The following PPP2CA variants were observed in gnomAD, a reference collection of about 807,000 sequenced individuals.
PPP2CA encodes protein phosphatase 2 catalytic subunit alpha.
A neutral mutation model predicts 38.8 loss-of-function variants in PPP2CA; 5 were observed. The observed-to-expected ratio is 0.13, with a 90% CI of 0.07 to 0.27. The LOEUF (loss-of-function observed/expected upper bound fraction) is 0.27, where lower values mean the gene tolerates loss of function less well. PPP2CA is among the 10% of genes least tolerant of loss of function. The probability of loss-of-function intolerance (pLI) is 1.00; values close to 1 mark genes in which losing one functional copy is unlikely to be tolerated. For synonymous variants in PPP2CA, 152 were observed against 134.0 expected, an observed-to-expected ratio of 1.13 and a Z score of -0.93; for missense variants, 88 against 389.7, an observed-to-expected ratio of 0.23 and a Z score of 6.52.
At chr5:134,206,757 G>C (rs1762092793) in intron 1 of PPP2CA, among the ~76,000 whole-genome samples, 1 of 152,186 alleles carries the variant, frequency 6.6e-6, no homozygotes, top group African/African-American at 2.4e-5. Context: ...CCTCAGCCCT[G>C]TTTGACTTTT....
At chr5:134,198,962 T>C (rs766911768) in intron 6 of PPP2CA, 124 bp downstream of exon 6, 2 of 716,632 alleles carry the variant, frequency 2.8e-6, no homozygotes, top group South Asian at 3.5e-5. Context: ...GGTGAAAGGA[T>C]CACTTCAGCC....
intron 1 of PPP2CA, among the ~76,000 whole-genome samples, chr5:134,217,157 G>A (rs1054658138): frequency 1.3e-5 from 2 of 152,246 alleles, no homozygotes; most frequent in East Asian, 3.9e-4. Flanking sequence ...GCGCATGCCT[G>A]TAATCCCAGC....
Position 134,196,200 on chromosome 5 carries a change from C to T in PPP2CA, c.*1572G>A, listed in dbSNP as rs1173297525. 1 of 152,190 alleles carries T rather than the reference C, an allele frequency of 6.6e-6. No homozygotes were observed. Among genetic ancestry groups the T allele is most frequent in the Admixed American group, 6.5e-5 (1 of 15,280 alleles). 9.4% of individuals were successfully genotyped at this position (152,190 alleles called of 1,614,324 possible). On this transcript the variant is annotated 3_prime_UTR_variant, in exon 7 of 7. Coordinates refer to ENST00000481195, the MANE Select transcript of PPP2CA (RefSeq NM_002715.4). ...AAAAGACATTCGGTATGTATGTGTT[C>T]CTCAAGCATTTTAGAAAGGGGATAT...
intron 2 of PPP2CA, among the ~76,000 whole-genome samples, chr5:134,202,733 T>C (rs1761994649): frequency 6.6e-6 from 1 of 152,266 alleles, no homozygotes; most frequent in Non-Finnish European, 1.5e-5. Flanking sequence ...TTCATTTCTT[T>C]TAGGAAGATT....
At chr5:134,212,061 G>C (rs190813551) in intron 1 of PPP2CA, among the ~76,000 whole-genome samples, 28 of 152,302 alleles carry the variant, frequency 1.8e-4, no homozygotes, top group Admixed American at 6.5e-4. Context: ...CGAGGTTGCA[G>C]TGAGCGGAGA....
intron 1 of PPP2CA, among the ~76,000 whole-genome samples, chr5:134,217,909 T>A (rs990535153): frequency 2.0e-5 from 3 of 152,228 alleles, no homozygotes; most frequent in African/African-American, 4.8e-5. Context: ...TACAAACTTG[T>A]ACAGCATTTA....
At chr5:134,198,715 G>A (rs559446552) in intron 6 of PPP2CA, among the ~76,000 whole-genome samples, 10 of 152,126 alleles carry the variant, frequency 6.6e-5, no homozygotes, top group African/African-American at 9.6e-5. Context: ...ACAGGCAGGC[G>A]CCACCATGCT....
Position 134,200,380 on chromosome 5 carries a change from G to A in PPP2CA, c.693C>T (p.Ala231=). The part of the protein sequence containing the change: ...GQDISETFNH[A]NGLTLVSRAH... ...CTCTAGACACCAACGTGAGGCCATT[G>A]GCATGATTAAATGTCTCAGAAATAT... The change falls in exon 5 of 7, where the codon GCC becomes GCT. Residue 231 remains alanine (A), a synonymous_variant. Coordinates refer to ENST00000481195, the MANE Select transcript of PPP2CA (RefSeq NM_002715.4). 1.2e-6 allele frequency: 2 copies of A among 1,614,074 alleles called. No individual in the cohort carries two copies. Among genetic ancestry groups the A allele is most frequent in the African/African-American group, 2.7e-5 (2 of 74,994 alleles).
intron 2 of PPP2CA, 60 bp downstream of exon 2, chr5:134,205,862 A>C: frequency 6.9e-7 from 1 of 1,448,900 alleles, no homozygotes; most frequent in Non-Finnish European, 9.6e-7. Context: ...GGGGGAAAAA[A>C]AACTTTCAAG....
In PPP2CA at chr5:134,197,039, T is replaced by G. The variant is rs1355311108; in HGVS notation, c.*733A>C. 6.5e-6 allele frequency: 1 copy of G among 152,676 alleles called. No individual in the cohort carries two copies. The highest frequency in any genetic ancestry group is 6.5e-5 in the Admixed American group (1 of 15,282). 9.5% of individuals were successfully genotyped at this position (152,676 alleles called of 1,614,324 possible). A position where few individuals can be genotyped will look rare whatever the true frequency, so the allele number is the denominator to read the frequency against. Reference sequence around the variant, plus strand: ...AATTTACTCAATTGATTTAACTTTTTTAATAAACAGCACCAGTCTTGCCCA... The same window carrying G: ...AATTTACTCAATTGATTTAACTTTTGTAATAAACAGCACCAGTCTTGCCCA... On this transcript the variant is annotated 3_prime_UTR_variant, in exon 7 of 7. Coordinates refer to ENST00000481195, the MANE Select transcript of PPP2CA (RefSeq NM_002715.4).
intron 4 of PPP2CA, 25 bp downstream of exon 4, chr5:134,200,960 G>A: frequency 1.3e-6 from 2 of 1,551,354 alleles, no homozygotes; most frequent in Non-Finnish European, 1.8e-6. Flanking sequence ...TTTTCTGAAA[G>A]AATTTTATCA....
In PPP2CA at chr5:134,199,348, C is replaced by T. The variant is rs868078063; in HGVS notation, c.739-144G>A. 10 of 607,178 alleles carry T rather than the reference C, an allele frequency of 1.6e-5. 1 individual carries two copies. The Middle Eastern group carries it at 2.6e-3, about 156-fold the overall frequency. 37.6% of individuals were successfully genotyped at this position (607,178 alleles called of 1,614,324 possible). On this transcript the variant is annotated intron_variant, in intron 5 of 6. Transcript: ENST00000481195. The stretch of plus-strand genomic sequence containing the variant: ...ATGTTAATGCTTTTTTTCTGGATGA[C>T]TTAATAATCTCCTGTACTTTATACA...
chr5:134,202,093 A>T, intron 2 of PPP2CA, 72 bp from the exon 3 acceptor site: 1 of 1,434,646 alleles, frequency 7.0e-7, no homozygotes, highest in Non-Finnish European at 9.3e-7. Flanking sequence ...GAAACTTTCT[A>T]TAGAAAAAAA....
chr5:134,204,994 G>C (rs1762048687), intron 2 of PPP2CA, among the ~76,000 whole-genome samples: 1 of 149,280 alleles, frequency 6.7e-6, no homozygotes, highest in South Asian at 2.1e-4. Flanking sequence ...GTGTAGGGTG[G>C]CAAGATCAAG....
intron 1 of PPP2CA, among the ~76,000 whole-genome samples, chr5:134,213,051 A>G (rs1451672297): frequency 1.3e-5 from 2 of 152,216 alleles, no homozygotes; most frequent in Non-Finnish European, 2.9e-5. Context: ...CAGACGATCT[A>G]CCTAAGATAA....
At chr5:134,223,708 AAC>A (rs1269974573) in intron 1 of PPP2CA, among the ~76,000 whole-genome samples, 2 of 152,170 alleles carry the variant, frequency 1.3e-5, no homozygotes, top group Non-Finnish European at 2.9e-5. Context: ...TATCTTCTAC[AAC>A]AGTTTCCAAC....
intron 1 of PPP2CA, among the ~76,000 whole-genome samples, chr5:134,217,861 A>G (rs1762354556): frequency 6.6e-6 from 1 of 152,260 alleles, no homozygotes. Context: ...ATAGACTACT[A>G]CAAACCTAAG....
At chr5:134,207,063 G>A (rs1006719485) in intron 1 of PPP2CA, among the ~76,000 whole-genome samples, 3 of 152,230 alleles carry the variant, frequency 2.0e-5, no homozygotes, top group Non-Finnish European at 4.4e-5. Flanking sequence ...CAGATGACAA[G>A]GACTGGGTTC....
At chr5:134,221,113 C>T (rs1561744074) in intron 1 of PPP2CA, among the ~76,000 whole-genome samples, 1 of 151,870 alleles carries the variant, frequency 6.6e-6, no homozygotes, top group East Asian at 1.9e-4. Context: ...TGAAAAGAGG[C>T]TTTTTTGGGG....
Sources: allele counts gnomAD v4.1 joint callset (sites outside exome capture counted in the v4.1 genomes callset), GRCh38; gene constraint gnomAD v4.1.1; transcripts MANE v1.5; gene names NCBI Gene and HGNC (gene_info 2026-07-23, HGNC 2026-07-21).